Variants in SPECC1 observed in about 807,000 individuals in gnomAD.
SPECC1 encodes cytospin-B.
In SPECC1, 62 loss-of-function variants were observed where a neutral mutation model predicts 104.1. The observed-to-expected ratio is 0.60, with a 90% confidence interval of 0.49 to 0.74. The LOEUF (loss-of-function observed/expected upper bound fraction) is 0.74. SPECC1 is among the 30% of genes least tolerant of loss of function. SPECC1 has a pLI of 0.00. For missense variants in SPECC1, 1,306 were observed against 1,310.5 expected (o/e 1.00, Z 0.05); for synonymous variants, 513 against 501.6 (o/e 1.02, Z -0.30).
chr17:20,024,986 T>G (rs539963792), intron 1 of SPECC1, among the ~76,000 whole-genome samples: 3 of 152,356 alleles, frequency 2.0e-5, no homozygotes, highest in African/African-American at 7.2e-5. Context: ...AAACCCTACT[T>G]CTGTGTGTTC....
At position 20,035,946 on chromosome 17, in the gene SPECC1, C is replaced by G. The variant is rs529976507; in HGVS notation, c.-22+26522C>G. Among the ~76,000 whole-genome samples the G allele has an allele frequency of 4.6e-5, 7 of 151,744 alleles. No homozygotes were observed. The South Asian group carries it at 1.5e-3, about 32-fold the overall frequency. On this transcript the variant is annotated intron_variant, in intron 1 of 14. Coordinates refer to ENST00000395527, the MANE Select transcript of SPECC1 (RefSeq NM_001243439.2). Reference sequence around the variant, plus strand: ...TCAAGTGATTCTCCTGCCTCAGCCTCCTGAGTAGCTGAGACTACACATGCC... The same window carrying G: ...TCAAGTGATTCTCCTGCCTCAGCCTGCTGAGTAGCTGAGACTACACATGCC...
chr17:20,174,448 T>C (rs1021339291), intron 3 of SPECC1, among the ~76,000 whole-genome samples: 7 of 152,104 alleles, frequency 4.6e-5, no homozygotes, highest in Non-Finnish European at 4.4e-5. Flanking sequence ...GGGTTGCTTC[T>C]GGGAACAGTA....
intron 8 of SPECC1, 29 bp from the exon 9 acceptor site, chr17:20,247,190 A>T (rs1271781240): frequency 1.7e-5 from 26 of 1,553,292 alleles, no homozygotes; most frequent in African/African-American, 2.7e-5. Context: ...GGAACAACAT[A>T]TAAATGTTCC....
At chr17:20,269,880 C>T (rs1264970134) in intron 12 of SPECC1, among the ~76,000 whole-genome samples, 2 of 152,154 alleles carry the variant, frequency 1.3e-5, no homozygotes, top group Non-Finnish European at 2.9e-5. Flanking sequence ...ATGCTGCGTC[C>T]TGTGGGTCCT....
intron 3 of SPECC1, among the ~76,000 whole-genome samples, chr17:20,202,760 T>C (rs756716243): frequency 6.6e-6 from 1 of 152,198 alleles, no homozygotes. Flanking sequence ...CCAAAAGTTA[T>C]ACACAGAGTT....
chr17:20,132,040 C>T (rs1453622087), intron 3 of SPECC1, among the ~76,000 whole-genome samples: 1 of 152,140 alleles, frequency 6.6e-6, no homozygotes, highest in Non-Finnish European at 1.5e-5. Context: ...AATTTCTCCT[C>T]TATTCCAGTT....
chr17:20,076,050 A>T (rs1372454140), intron 1 of SPECC1, among the ~76,000 whole-genome samples: 1 of 152,208 alleles, frequency 6.6e-6, no homozygotes, highest in African/African-American at 2.4e-5. Context: ...CTAGGAATTC[A>T]AGGTTACAAT....
chr17:20,225,558 A>G (rs2038148518), intron 4 of SPECC1, among the ~76,000 whole-genome samples: 1 of 152,074 alleles, frequency 6.6e-6, no homozygotes, highest in Non-Finnish European at 1.5e-5. Context: ...TTCCAATGCA[A>G]TCTCACAATC....
intron 2 of SPECC1, among the ~76,000 whole-genome samples, chr17:20,101,178 C>T (rs2047928326): frequency 2.0e-5 from 3 of 152,106 alleles, no homozygotes; most frequent in Admixed American, 2.0e-4. Flanking sequence ...TGGGTATATA[C>T]CCAATAATGA....
At chr17:20,245,421 C>T (rs1446431505) in intron 7 of SPECC1, among the ~76,000 whole-genome samples, 1 of 152,106 alleles carries the variant, frequency 6.6e-6, no homozygotes, top group Non-Finnish European at 1.5e-5. Flanking sequence ...AGGTCCCACT[C>T]CAGGTCTTGC....
At chr17:20,213,547 T>A (rs1220630016) in intron 4 of SPECC1, among the ~76,000 whole-genome samples, 1 of 152,244 alleles carries the variant, frequency 6.6e-6, no homozygotes, top group African/African-American at 2.4e-5. Context: ...AAAGCCTTGT[T>A]GAACTAGGAG....
intron 1 of SPECC1, among the ~76,000 whole-genome samples, chr17:20,027,787 T>C (rs1004107689): frequency 2.0e-5 from 3 of 152,168 alleles, no homozygotes; most frequent in African/African-American, 7.2e-5. Flanking sequence ...ACCATGCTGT[T>C]TTGGTTACTG....
chr17:20,223,737 G>A (rs954499819), intron 4 of SPECC1, among the ~76,000 whole-genome samples: 2 of 151,568 alleles, frequency 1.3e-5, no homozygotes, highest in Admixed American at 6.6e-5. Flanking sequence ...AAATTCTTTC[G>A]CTGTGTTATC....
chr17:20,012,036 T>C (rs2043961833), intron 1 of SPECC1, among the ~76,000 whole-genome samples: 1 of 152,230 alleles, frequency 6.6e-6, no homozygotes, highest in Admixed American at 6.5e-5. Flanking sequence ...CCCTGTATTC[T>C]AGAATTTTGG....
At chr17:20,062,246 C>CT (rs2046212220) in intron 1 of SPECC1, among the ~76,000 whole-genome samples, 1 of 145,024 alleles carries the variant, frequency 6.9e-6, no homozygotes, top group Non-Finnish European at 1.5e-5. Flanking sequence ...GAGCAAGACT[C>CT]TGTCGTCAAA....
At chr17:20,101,280 C>A in intron 2 of SPECC1, among the ~76,000 whole-genome samples, 1 of 152,184 alleles carries the variant, frequency 6.6e-6, no homozygotes, top group South Asian at 2.1e-4. Flanking sequence ...ACACTCCCAC[C>A]AACAGTGTAA....
chr17:20,122,867 T>G (rs1291528594), intron 3 of SPECC1, among the ~76,000 whole-genome samples: 2 of 152,256 alleles, frequency 1.3e-5, no homozygotes, highest in Non-Finnish European at 2.9e-5. Context: ...CGTATCTTCT[T>G]TATCCATTCA....
intron 3 of SPECC1, among the ~76,000 whole-genome samples, chr17:20,172,265 CG>C (rs2034147977): frequency 1.3e-5 from 2 of 152,186 alleles, no homozygotes; most frequent in African/African-American, 2.4e-5. Context: ...CCTCTCTCAG[CG>C]TGTTACAGCT....
In SPECC1 at chr17:20,318,858, T is replaced by G. The variant is rs1300191880; in HGVS notation, c.*4793T>G. 1.0e-5 allele frequency: 2 copies of G among 199,050 alleles called. No homozygotes were observed. Among genetic ancestry groups the G allele is most frequent in the African/African-American group, 4.6e-5 (2 of 43,310 alleles). 12.3% of individuals were successfully genotyped at this position (199,050 alleles called of 1,614,324 possible). On this transcript the variant is annotated 3_prime_UTR_variant, in exon 15 of 15. Coordinates refer to ENST00000395527, the MANE Select transcript of SPECC1 (RefSeq NM_001243439.2). ...TTTAGCACACTAACTTTAACTACAT[T>G]AGTTGAGTGTAGTTGATACATCTGT... is the stretch of plus-strand genomic sequence containing the variant.
Sources: gnomAD v4.1 joint callset for allele counts (sites outside exome capture counted in the v4.1 genomes callset) on GRCh38, gnomAD v4.1.1 for gene constraint, MANE v1.5 for transcripts, NCBI Gene and HGNC (gene_info 2026-07-23, HGNC 2026-07-21) for gene names.